EFNA5: variants seen among roughly 807,000 people sequenced by gnomAD.
The protein encoded by EFNA5 is ephrin-A5.
Under a neutral mutation model 22.9 loss-of-function variants are expected in EFNA5, and 5 were observed. The ratio of observed to expected loss-of-function variants is 0.22; its 90% CI spans 0.11 to 0.46. The LOEUF (loss-of-function observed/expected upper bound fraction) is 0.46. Ranked by LOEUF, EFNA5 falls within the 20% of genes least tolerant of loss-of-function variation. EFNA5 has a pLI of 0.99. For missense variants in EFNA5, 237 were observed against 293.3 expected (o/e 0.81, Z 1.40); for synonymous variants, 113 against 112.2 (o/e 1.01, Z -0.04).
At chr5:107,610,649 A>G (rs1437414499) in intron 1 of EFNA5, among the ~76,000 whole-genome samples, 2 of 152,118 alleles carry the variant, frequency 1.3e-5, no homozygotes, top group Non-Finnish European at 2.9e-5. Context: ...AAAAACTACA[A>G]TTACCTTTTG....
chr5:107,454,402 T>A (rs1749639849), intron 1 of EFNA5, among the ~76,000 whole-genome samples: 1 of 152,196 alleles, frequency 6.6e-6, no homozygotes, highest in Non-Finnish European at 1.5e-5. Flanking sequence ...TATTTAATCA[T>A]CCAAAGGACT....
intron 1 of EFNA5, among the ~76,000 whole-genome samples, chr5:107,594,273 C>T (rs1749431063): frequency 6.6e-6 from 1 of 152,068 alleles, no homozygotes. Flanking sequence ...TTCATAATCA[C>T]CTTTTTAAAA....
intron 1 of EFNA5, among the ~76,000 whole-genome samples, chr5:107,503,463 C>T (rs1170067040): frequency 6.6e-6 from 1 of 152,184 alleles, no homozygotes; most frequent in Non-Finnish European, 1.5e-5. Context: ...TGTCTATCTC[C>T]AGAATTCCTC....
intron 1 of EFNA5, among the ~76,000 whole-genome samples, chr5:107,587,861 G>A (rs1749222468): frequency 1.3e-5 from 2 of 152,050 alleles, no homozygotes; most frequent in Admixed American, 6.6e-5. Flanking sequence ...CTGTCTTCTG[G>A]GGTCACTACT....
At chr5:107,567,264 A>G (rs1748681822) in intron 1 of EFNA5, among the ~76,000 whole-genome samples, 1 of 152,198 alleles carries the variant, frequency 6.6e-6, no homozygotes, top group Non-Finnish European at 1.5e-5. Flanking sequence ...ATAAAGCTAA[A>G]GATGAAATAA....
intron 2 of EFNA5, among the ~76,000 whole-genome samples, chr5:107,407,837 G>C (rs572640895): frequency 6.6e-6 from 1 of 152,048 alleles, no homozygotes; most frequent in Non-Finnish European, 1.5e-5. Flanking sequence ...TATGGCTACT[G>C]CATCTTTGCC....
intron 1 of EFNA5, among the ~76,000 whole-genome samples, chr5:107,440,227 A>G (rs780297194): frequency 6.6e-6 from 1 of 152,210 alleles, no homozygotes; most frequent in Non-Finnish European, 1.5e-5. Context: ...GAAATAAACA[A>G]TTCACCATTT....
chr5:107,574,843 G>A (rs1021355890), intron 1 of EFNA5, among the ~76,000 whole-genome samples: 2 of 152,160 alleles, frequency 1.3e-5, no homozygotes, highest in East Asian at 1.9e-4. Context: ...TGATCTTGAC[G>A]GGGCTTAAGA....
Position 107,493,823 on chromosome 5 carries a change from T to G in EFNA5, c.126-66314A>C, listed in dbSNP as rs534374253. Among the ~76,000 whole-genome samples the G allele has an allele frequency of 3.3e-5, 5 of 152,336 alleles. No individual in the cohort carries two copies. In the East Asian group the frequency reaches 9.6e-4, roughly 29 times the overall value. Reference sequence around the variant, plus strand: ...TTGAACATTGGCACAGTCTATCATTTAATATTCACAACAAACCTATAAGGT... The same window carrying G: ...TTGAACATTGGCACAGTCTATCATTGAATATTCACAACAAACCTATAAGGT... On this transcript the variant is annotated intron_variant, in intron 1 of 4. Coordinates refer to ENST00000333274, the MANE Select transcript of EFNA5 (RefSeq NM_001962.3).
chr5:107,416,922 G>A (rs1296143347), intron 2 of EFNA5, among the ~76,000 whole-genome samples: 1 of 152,018 alleles, frequency 6.6e-6, no homozygotes. Flanking sequence ...AGCAAAACAT[G>A]CAGTAAAACT....
In EFNA5 at chr5:107,565,582, T is replaced by G. The variant is rs367543864; in HGVS notation, c.125+104907A>C. ...TTTTCATCATTTGCACAACAAAGTT[T>G]GCTGTTTATCTAATATATATACATA... On this transcript the variant is annotated intron_variant, in intron 1 of 4. Coordinates refer to ENST00000333274, the MANE Select transcript of EFNA5 (RefSeq NM_001962.3). 3.0e-3 allele frequency among the ~76,000 whole-genome samples: 460 copies of G among 152,350 alleles called. 4 individuals carry two copies. Among genetic ancestry groups the G allele is most frequent in the African/African-American group, 0.011 (443 of 41,586 alleles).
In EFNA5 at chr5:107,447,114, A is replaced by G. The variant is rs117228380; in HGVS notation, c.126-19605T>C. 6.8e-4 allele frequency among the ~76,000 whole-genome samples: 103 copies of G among 152,334 alleles called. 1 individual carries two copies. The East Asian group carries it at 0.018, about 27-fold the overall frequency. The stretch of plus-strand genomic sequence containing the variant: ...AGTTAAGACCCCTGAGAGACTGGTG[A>G]ACACAGTGGGTAAGTTTTTATGAGA... On this transcript the variant is annotated intron_variant, in intron 1 of 4. Coordinates refer to ENST00000333274, the MANE Select transcript of EFNA5 (RefSeq NM_001962.3).
intron 1 of EFNA5, among the ~76,000 whole-genome samples, chr5:107,549,940 T>C (rs1396815640): frequency 6.6e-6 from 1 of 152,262 alleles, no homozygotes; most frequent in Non-Finnish European, 1.5e-5. Flanking sequence ...TACCTATGGC[T>C]CTCTGGAAAT....
intron 1 of EFNA5, among the ~76,000 whole-genome samples, chr5:107,642,539 T>C (rs1431045311): frequency 6.6e-6 from 1 of 152,010 alleles, no homozygotes; most frequent in Non-Finnish European, 1.5e-5. Context: ...AAGACTTCTT[T>C]CCCTGGAACG....
At chr5:107,516,201 T>TGTGTGTGTGCGC (rs1747476226) in intron 1 of EFNA5, among the ~76,000 whole-genome samples, 4 of 151,644 alleles carry the variant, frequency 2.6e-5, no homozygotes, top group African/African-American at 9.7e-5. Flanking sequence ...TGTGTGTGTG[T>TGTGTGTGTGCGC]GTGTGTGTGT....
intron 1 of EFNA5, among the ~76,000 whole-genome samples, chr5:107,638,905 T>C (rs1750443198): frequency 1.3e-5 from 2 of 152,364 alleles, no homozygotes; most frequent in African/African-American, 2.4e-5. Context: ...TTAGCCATTC[T>C]ACAATGTATA....
chr5:107,573,354 G>A (rs930258043), intron 1 of EFNA5, among the ~76,000 whole-genome samples: 1 of 152,016 alleles, frequency 6.6e-6, no homozygotes, highest in African/African-American at 2.4e-5. Flanking sequence ...GGTAAGAAGT[G>A]CCAGTGGAAT....
At chr5:107,500,177 A>G (rs900286476) in intron 1 of EFNA5, among the ~76,000 whole-genome samples, 3 of 151,930 alleles carry the variant, frequency 2.0e-5, no homozygotes, top group Non-Finnish European at 2.9e-5. Context: ...ATGCAATATA[A>G]TATCTCCAAC....
At chr5:107,515,369 T>G (rs1747455311) in intron 1 of EFNA5, among the ~76,000 whole-genome samples, 1 of 145,664 alleles carries the variant, frequency 6.9e-6, no homozygotes, top group Non-Finnish European at 1.5e-5. Context: ...TATTTTATTA[T>G]TATTATTATT....
Sources: allele counts gnomAD v4.1 joint callset (sites outside exome capture counted in the v4.1 genomes callset), GRCh38; gene constraint gnomAD v4.1.1; transcripts MANE v1.5; gene names NCBI Gene and HGNC (gene_info 2026-07-23, HGNC 2026-07-21).